The following SCN8A variants were observed in gnomAD, a reference collection of about 807,000 sequenced individuals.
The protein encoded by SCN8A is sodium channel protein type 8 subunit alpha.
A neutral mutation model predicts 184.1 loss-of-function variants in SCN8A; 30 were observed. The observed-to-expected ratio is 0.16, with a 90% confidence interval of 0.12 to 0.22. The LOEUF is 0.22. Ranked by LOEUF, SCN8A falls within the 10% of genes least tolerant of loss-of-function variation. The pLI is 1.00. For synonymous variants in SCN8A, 852 were observed against 907.0 expected (o/e 0.94, Z 1.09); for missense variants, 1,057 against 2,498.9 (o/e 0.42, Z 12.30).
chr12:51,742,574 A>C (rs1042436776), intron 12 of SCN8A, among the ~76,000 whole-genome samples: 2 of 136,248 alleles, frequency 1.5e-5, no homozygotes, highest in East Asian at 2.2e-4. Context: ...GATTTATTGG[A>C]GCTCCATTGT....
At chr12:51,698,269 C>T (rs1353339609) in intron 6 of SCN8A, among the ~76,000 whole-genome samples, 1 of 152,146 alleles carries the variant, frequency 6.6e-6, no homozygotes, top group Non-Finnish European at 1.5e-5. Flanking sequence ...GGTTAGAAGG[C>T]GTATTGCGTA....
intron 12 of SCN8A, among the ~76,000 whole-genome samples, chr12:51,732,693 C>A (rs1038867333): frequency 6.6e-6 from 1 of 152,058 alleles, no homozygotes; most frequent in African/African-American, 2.4e-5. Flanking sequence ...GAACAATCCA[C>A]GAACATGGAA....
chr12:51,669,138 C>T (rs1941088005), intron 2 of SCN8A, among the ~76,000 whole-genome samples: 1 of 152,200 alleles, frequency 6.6e-6, no homozygotes, highest in South Asian at 2.1e-4. Context: ...AACTTTATGA[C>T]AGATACAAGG....
intron 12 of SCN8A, among the ~76,000 whole-genome samples, chr12:51,731,565 CT>C (rs1565903357): frequency 6.6e-6 from 1 of 152,116 alleles, no homozygotes; most frequent in Non-Finnish European, 1.5e-5. Flanking sequence ...ATATTGATTT[CT>C]TTTCTTTTGG....
At position 51,616,023 on chromosome 12, in the gene SCN8A, CAGTT is replaced by C. The variant is rs1939829222; in HGVS notation, c.-55+24665_-55+24668del. Among the ~76,000 whole-genome samples, 6 of 152,230 alleles carry C rather than the reference CAGTT, an allele frequency of 3.9e-5. No individual in the cohort carries two copies. The South Asian group carries it at 1.2e-3, about 32-fold the overall frequency. On this transcript the variant is annotated intron_variant, in intron 1 of 26. Coordinates refer to ENST00000627620, the MANE Select transcript of SCN8A (RefSeq NM_001330260.2). ...GTGAGACTACAGGCGTGAGCCACCACAGTTGGCCTCATCATTTATATTTTAAAGA... is the reference window on the plus strand; with the variant it reads ...GTGAGACTACAGGCGTGAGCCACCACGGCCTCATCATTTATATTTTAAAGA...
At chr12:51,761,663 A>G (rs1228782612) in intron 14 of SCN8A, among the ~76,000 whole-genome samples, 1 of 151,632 alleles carries the variant, frequency 6.6e-6, no homozygotes, top group Non-Finnish European at 1.5e-5. Flanking sequence ...TAATTTTTGT[A>G]TTTTTTGTAG....
At chr12:51,747,089 A>T (rs375159) in intron 13 of SCN8A, among the ~76,000 whole-genome samples, 3 of 81,324 alleles carry the variant, frequency 3.7e-5, no homozygotes, top group Non-Finnish European at 5.5e-5. Context: ...CTCTGTGTGT[A>T]TGTGTGTGTG....
chr12:51,734,707 C>T (rs1262327353), intron 12 of SCN8A, among the ~76,000 whole-genome samples: 1 of 152,238 alleles, frequency 6.6e-6, no homozygotes, highest in Admixed American at 6.5e-5. Context: ...GGCTTGCTCC[C>T]AACGTGTCTC....
In SCN8A at chr12:51,809,437, A is replaced by T. The variant is rs897499496; in HGVS notation, c.*2008A>T. 3.3e-5 allele frequency: 5 copies of T among 152,252 alleles called. No homozygotes were observed. The highest frequency in any genetic ancestry group is 4.8e-5 in the African/African-American group (2 of 41,466). 9.4% of individuals were successfully genotyped at this position (152,252 alleles called of 1,614,324 possible). A position where few individuals can be genotyped will look rare whatever the true frequency, so the allele number is the denominator to read the frequency against. ...ACAGTCCACCAGACTAGTTTTGCAT[A>T]GAACAAACCACAGTAAGTCGGCAAG... is the stretch of plus-strand genomic sequence containing the variant. On this transcript the variant is annotated 3_prime_UTR_variant, in exon 27 of 27. Coordinates refer to ENST00000627620, the MANE Select transcript of SCN8A (RefSeq NM_001330260.2).
At chr12:51,758,196 C>T (rs1457817581) in intron 14 of SCN8A, among the ~76,000 whole-genome samples, 1 of 152,096 alleles carries the variant, frequency 6.6e-6, no homozygotes, top group Non-Finnish European at 1.5e-5. Flanking sequence ...GCAGCTCATC[C>T]CTATAATCCC....
At chr12:51,649,253 A>G (rs910786056) in intron 1 of SCN8A, among the ~76,000 whole-genome samples, 2 of 152,160 alleles carry the variant, frequency 1.3e-5, no homozygotes, top group Non-Finnish European at 2.9e-5. Context: ...CTGCTTTCAC[A>G]GGCTGGCATC....
Position 51,725,294 on chromosome 12 carries a change from A to G in SCN8A, c.1998+3386A>G, listed in dbSNP as rs573628093. Among the ~76,000 whole-genome samples, 5 of 152,376 alleles carry G rather than the reference A, an allele frequency of 3.3e-5. No homozygotes were observed. In the South Asian group the frequency reaches 8.3e-4, roughly 25 times the overall value. ...AAGAAAACAGCAAAACAAGATGCAT[A>G]TAGTTTGTGTGGTATGATACCAAAT... On this transcript the variant is annotated intron_variant, in intron 12 of 26. Coordinates refer to ENST00000627620, the MANE Select transcript of SCN8A (RefSeq NM_001330260.2).
At position 51,809,037 on chromosome 12, in the gene SCN8A, TATTA is replaced by T. The variant is rs1396772094; in HGVS notation, c.*1612_*1615del. 1 of 152,206 alleles carries T rather than the reference TATTA, an allele frequency of 6.6e-6. No individual in the cohort carries two copies. The highest frequency in any genetic ancestry group is 2.4e-5 in the African/African-American group (1 of 41,450). 9.4% of individuals were successfully genotyped at this position (152,206 alleles called of 1,614,324 possible). Reference sequence around the variant, plus strand: ...TGGTTTTCATGAGAAAGCAATTTAATATTAATTCTTTAGGATGTTCCAGCTTCCC... The same window carrying T: ...TGGTTTTCATGAGAAAGCAATTTAATATTCTTTAGGATGTTCCAGCTTCCC... On this transcript the variant is annotated 3_prime_UTR_variant, in exon 27 of 27. Coordinates refer to ENST00000627620, the MANE Select transcript of SCN8A (RefSeq NM_001330260.2).
At chr12:51,799,607 T>C (rs1338459177) in intron 26 of SCN8A, among the ~76,000 whole-genome samples, 1 of 152,218 alleles carries the variant, frequency 6.6e-6, no homozygotes, top group Non-Finnish European at 1.5e-5. Context: ...TGCTGGGTCA[T>C]ATAGCCCAAG....
chr12:51,646,964 G>T (rs1940604435), intron 1 of SCN8A, among the ~76,000 whole-genome samples: 1 of 152,110 alleles, frequency 6.6e-6, no homozygotes, highest in Non-Finnish European at 1.5e-5. Context: ...GAGAAGCTTT[G>T]GGATACATTT....
chr12:51,682,823 C>T (rs1483597012), intron 2 of SCN8A, among the ~76,000 whole-genome samples: 1 of 152,162 alleles, frequency 6.6e-6, no homozygotes, highest in South Asian at 2.1e-4. Context: ...CTCAGCTTCA[C>T]AGTCTGCTCT....
rs371712630 is a variant in SCN8A at position 51,663,087 on chromosome 12, G to T, written c.270G>T (p.Thr90=). The T allele has an allele frequency of 2.7e-5, 44 of 1,613,316 alleles. No individual in the cohort carries two copies. In the East Asian group the frequency reaches 6.2e-4, roughly 23 times the overall value. ...AGGACTTTGACCCATACTATTTGAC[G>T]CAGAAAGTGAGTTGGAGGAGGAGGA... ...PLEDFDPYYL[T]QKTFVVLNRG... is the part of the protein sequence containing the mutation. Residue 90 remains threonine, a synonymous_variant, in exon 2 of 27, where the codon ACG becomes ACT. Coordinates refer to ENST00000627620, the MANE Select transcript of SCN8A (RefSeq NM_001330260.2).
At chr12:51,652,083 G>C (rs1356771150) in intron 1 of SCN8A, among the ~76,000 whole-genome samples, 1 of 151,950 alleles carries the variant, frequency 6.6e-6, no homozygotes, top group Admixed American at 6.6e-5. Flanking sequence ...CCTATATGAT[G>C]CCTCCATTTG....
chr12:51,591,950 T>C (rs538680057), intron 1 of SCN8A, among the ~76,000 whole-genome samples: 2 of 144,272 alleles, frequency 1.4e-5, no homozygotes, highest in East Asian at 4.1e-4. Flanking sequence ...AACAGGGTGC[T>C]CTGGAGTTGT....
Sources: allele counts gnomAD v4.1 joint callset (sites outside exome capture counted in the v4.1 genomes callset), GRCh38; gene constraint gnomAD v4.1.1; transcripts MANE v1.5; gene names NCBI Gene and HGNC (gene_info 2026-07-23, HGNC 2026-07-21).